The following WDHD1 variants were observed in gnomAD, a reference collection of about 807,000 sequenced individuals.
WDHD1 encodes WD repeat and HMG-box DNA-binding protein 1.
In WDHD1, 111 loss-of-function variants were observed where a neutral mutation model predicts 135.4. The observed-to-expected ratio is 0.82, with a 90% CI of 0.70 to 0.96. The LOEUF is 0.96. Ranked by LOEUF, WDHD1 falls within the 40% of genes least tolerant of loss-of-function variation. The pLI, the probability that WDHD1 is intolerant of heterozygous loss-of-function variation, is 0.00. For missense variants in WDHD1, 1,351 were observed against 1,336.3 expected, an observed-to-expected ratio of 1.01 and a Z score of -0.17; for synonymous variants, 434 against 439.0, an observed-to-expected ratio of 0.99 and a Z score of 0.14.
In WDHD1 at chr14:54,941,057, T is replaced by C. The variant is rs949067177; in HGVS notation, c.*433A>G. 1 of 152,800 alleles carries C rather than the reference T, an allele frequency of 6.5e-6. No homozygotes were observed. The highest frequency in any genetic ancestry group is 1.5e-5 in the Non-Finnish European group (1 of 68,528). The allele number at this position is 152,800 out of a possible 1,614,324, so 9.5% of individuals were successfully genotyped here. A position where few individuals can be genotyped will look rare whatever the true frequency, so the allele number is the denominator to read the frequency against. ...AAAAGACGTCATCCCCTAGGTCTAG[T>C]AGAAACATATAGAGAAGTCTATGCT... On this transcript the variant is annotated 3_prime_UTR_variant, in exon 26 of 26. Coordinates refer to ENST00000360586, the MANE Select transcript of WDHD1 (RefSeq NM_007086.4).
chr14:54,952,685 G>A (rs1052944661), intron 24 of WDHD1, among the ~76,000 whole-genome samples: 4 of 152,136 alleles, frequency 2.6e-5, no homozygotes, highest in Admixed American at 6.5e-5. Flanking sequence ...GCATTGCCAA[G>A]TCACTCATAA....
intron 24 of WDHD1, among the ~76,000 whole-genome samples, chr14:54,945,563 T>C (rs553052355): frequency 2.6e-4 from 39 of 152,248 alleles, no homozygotes; most frequent in Admixed American, 6.5e-4. Context: ...TTTGTAGAGA[T>C]GGAGTCTAGC....
chr14:55,023,689 C>G (rs1319103342), intron 2 of WDHD1, among the ~76,000 whole-genome samples: 1 of 152,202 alleles, frequency 6.6e-6, no homozygotes, highest in Non-Finnish European at 1.5e-5. Context: ...ACAAACTGCT[C>G]ATGAGCATCA....
rs1332200921 is a variant in WDHD1 at position 55,013,465 on chromosome 14, G to A, written c.189+20C>T. 2.9e-5 allele frequency: 45 copies of A among 1,526,296 alleles called. No homozygotes were observed. The highest frequency in any genetic ancestry group is 4.1e-5 in the Non-Finnish European group (45 of 1,100,706). 94.5% of individuals were successfully genotyped at this position (1,526,296 alleles called of 1,614,324 possible). On this transcript the variant is annotated intron_variant, in intron 3 of 25. Coordinates refer to ENST00000360586, the MANE Select transcript of WDHD1 (RefSeq NM_007086.4). Reference sequence around the variant, plus strand: ...ATGCCAGTATCATTTCATATCAATTGATATAACTGTTTTTACTACCTTCAA... The same window carrying A: ...ATGCCAGTATCATTTCATATCAATTAATATAACTGTTTTTACTACCTTCAA...
rs781502719 is a variant in WDHD1, at chr14:54,991,258, T to C, written c.1296A>G (p.Pro432=). 8 of 1,612,714 alleles carry C rather than the reference T, an allele frequency of 5.0e-6. No homozygotes were observed. Among genetic ancestry groups the C allele is most frequent in the Non-Finnish European group, 5.9e-6 (7 of 1,178,674 alleles). Residue 432 remains proline (P), a synonymous_variant, in exon 12 of 26, where the codon CCA becomes CCG. Coordinates refer to ENST00000360586, the MANE Select transcript of WDHD1 (RefSeq NM_007086.4). ...GCAACGGTGTAGAACCTGACTGAAA[T>C]GGCTTTTGCCGGGGAGTTGGCATGG... ...DGPMPTPRQK[P]FQSGSTPLHL... is the part of the protein sequence containing the mutation.
intron 15 of WDHD1, among the ~76,000 whole-genome samples, chr14:54,983,852 G>A (rs2041656717): frequency 6.6e-6 from 1 of 151,958 alleles, no homozygotes; most frequent in African/African-American, 2.4e-5. Flanking sequence ...AAAAAAGGAT[G>A]AAGTTAATGT....
intron 24 of WDHD1, among the ~76,000 whole-genome samples, chr14:54,948,520 A>G (rs1258535951): frequency 6.6e-6 from 1 of 152,180 alleles, no homozygotes; most frequent in Non-Finnish European, 1.5e-5. Context: ...AACTGGGTGG[A>G]GCCCACTGAA....
intron 11 of WDHD1, 86 bp from the exon 12 acceptor site, chr14:54,991,486 T>C: frequency 7.9e-7 from 1 of 1,268,482 alleles, no homozygotes; most frequent in Non-Finnish European, 1.1e-6. Flanking sequence ...AGTAACTTTT[T>C]CATTCATATT....
chr14:54,991,523 C>T (rs2041790055), intron 11 of WDHD1, 123 bp from the exon 12 acceptor site: 2 of 936,048 alleles, frequency 2.1e-6, no homozygotes, highest in Non-Finnish European at 3.2e-6. Flanking sequence ...CTATTTGCCT[C>T]TTTCACTGTG....
Position 54,966,465 on chromosome 14 carries a change from T to C in WDHD1, c.2310+10A>G. On this transcript the variant is annotated intron_variant, in intron 18 of 25. Transcript: ENST00000360586. ...AACTTTAACGTTTTCAGTATATTTA[T>C]TTTACTCACCGCAAGCATTTTCATT... The C allele has an allele frequency of 6.3e-7, 1 of 1,591,212 alleles. No individual in the cohort carries two copies. The highest frequency in any genetic ancestry group is 2.2e-4 in the Middle Eastern group (1 of 4,520).
intron 7 of WDHD1, chr14:55,004,964 T>C (rs2042040061): frequency 1.8e-6 from 1 of 540,640 alleles, no homozygotes; most frequent in Non-Finnish European, 3.6e-6. Context: ...CAGACCAGTC[T>C]GCAACCTCAG....
In WDHD1 at chr14:54,940,771, A is replaced by AG. The variant is rs2040825617; in HGVS notation, c.*718_*719insC. On this transcript the variant is annotated 3_prime_UTR_variant, in exon 26 of 26. Coordinates refer to ENST00000360586, the MANE Select transcript of WDHD1 (RefSeq NM_007086.4). ...ACAGCAGTGTCTTCAGTTCTTCTCT[A>AG]CTGTGTATAATGCAGAGCAAAATGG... The AG allele has an allele frequency of 6.6e-6, 1 of 152,136 alleles. No individual in the cohort carries two copies. The highest frequency in any genetic ancestry group is 1.5e-5 in the Non-Finnish European group (1 of 68,032). 9.4% of individuals were successfully genotyped at this position (152,136 alleles called of 1,614,324 possible).
At chr14:54,945,905 A>C (rs1286647668) in intron 24 of WDHD1, among the ~76,000 whole-genome samples, 1 of 152,182 alleles carries the variant, frequency 6.6e-6, no homozygotes, top group Non-Finnish European at 1.5e-5. Context: ...ATGAATCCTA[A>C]ATAAAAAGTC....
Position 54,962,498 on chromosome 14 carries a change from C to T in WDHD1, c.2701G>A (p.Gly901Ser), listed in dbSNP as rs1309499331. Residue 901 changes from glycine to serine, a missense_variant and splice_region_variant, in exon 21 of 26, where the codon GGT becomes AGT. Around this residue, in one of 2 missense-constraint regions of WDHD1, gnomAD observed 1,330 missense variants for 1,296.1 expected, o/e 1.03. Coordinates refer to ENST00000360586, the MANE Select transcript of WDHD1 (RefSeq NM_007086.4). ...TTACAAATTTATAAATATTTCTCAC[C>T]TGACTTAGCTGAAACATCAGAGGAA... ...TNSSDVSAKS[G>S]AVTFSSQGRV... is the part of the protein sequence containing the mutation. 5 of 1,606,928 alleles carry T rather than the reference C, an allele frequency of 3.1e-6. No homozygotes were observed. In the African/African-American group the frequency reaches 4.0e-5, roughly 13 times the overall value.
In WDHD1 at chr14:55,000,943, C is replaced by T. The variant is rs1355551036; in HGVS notation, c.743G>A (p.Gly248Asp). The change falls in exon 9 of 26, where the codon GGT becomes GAT. Residue 248 changes from glycine (G) to aspartate (D), a missense_variant. Gly to Asp is a moderately conservative substitution (Grantham distance 94). Transcript: ENST00000360586. ...WSPCGQYLAA[G>D]SINGLIIVWN... ...AACTATGATTAGACCATTAATACTA[C>T]CTGCAGCTAAATATTGCCCACAGGG... The T allele has an allele frequency of 3.8e-6, 6 of 1,595,418 alleles. No individual in the cohort carries two copies. The highest frequency in any genetic ancestry group is 5.1e-6 in the Non-Finnish European group (6 of 1,171,986).
intron 15 of WDHD1, among the ~76,000 whole-genome samples, chr14:54,982,365 C>T (rs879861656): frequency 6.6e-6 from 1 of 152,090 alleles, no homozygotes. Flanking sequence ...AGAAGGCTCC[C>T]GCTTGAGAAA....
At chr14:54,975,231 A>G (rs1215136696) in intron 16 of WDHD1, among the ~76,000 whole-genome samples, 2 of 152,230 alleles carry the variant, frequency 1.3e-5, no homozygotes, top group Non-Finnish European at 2.9e-5. Context: ...ACTCTCAGTT[A>G]TGTATTAACC....
intron 21 of WDHD1, among the ~76,000 whole-genome samples, chr14:54,959,770 T>C (rs2140164237): frequency 6.6e-6 from 1 of 151,552 alleles, no homozygotes; most frequent in East Asian, 1.9e-4. Context: ...CAAAGCAAGA[T>C]ACCCTGTATC....
intron 15 of WDHD1, among the ~76,000 whole-genome samples, chr14:54,982,075 C>G (rs8021370): frequency 2.6e-5 from 4 of 151,430 alleles, no homozygotes; most frequent in Non-Finnish European, 4.4e-5. Context: ...GGCGCGATCT[C>G]GGCCCACTGC....
Sources: gnomAD v4.1 joint callset for allele counts (sites outside exome capture counted in the v4.1 genomes callset) on GRCh38, gnomAD v4.1.1 for gene constraint, gnomAD v4.1.1 regional missense constraint, MANE v1.5 for transcripts, NCBI Gene and HGNC (gene_info 2026-07-23, HGNC 2026-07-21) for gene names.